The following SIGLEC8 variants were observed in gnomAD, a reference collection of about 807,000 sequenced individuals.
The protein encoded by SIGLEC8 is sialic acid-binding Ig-like lectin 8.
Under a neutral mutation model 42.1 loss-of-function variants are expected in SIGLEC8, and 32 were observed. The ratio of observed to expected loss-of-function variants is 0.76; its 90% CI spans 0.57 to 1.02. The LOEUF (loss-of-function observed/expected upper bound fraction) is 1.02. Among genes scored for constraint, SIGLEC8 ranks in the 50% least tolerant of loss-of-function variants. The pLI is 0.00. For missense variants in SIGLEC8, 611 were observed against 610.2 expected (o/e 1.00, Z -0.01); for synonymous variants, 262 against 260.3 (o/e 1.01, Z -0.06).
Position 51,457,983 on chromosome 19 carries a change from G to T in SIGLEC8, c.405C>A (p.Tyr135Ter), listed in dbSNP as rs1989538965. Residue 135 changes from tyrosine to a stop codon, truncating the protein, a stop_gained, in exon 1 of 7, where the codon TAC becomes TAA. Coordinates refer to ENST00000321424, the MANE Select transcript of SIGLEC8 (RefSeq NM_014442.3). LOFTEE classifies it high-confidence loss of function. ...TAGTTTTGTAATTCAACTGTGATTTGTAACTCCATTTCATGCTTCCTCTCT... is the reference window on the plus strand; with the variant it reads ...TAGTTTTGTAATTCAACTGTGATTTTTAACTCCATTTCATGCTTCCTCTCT... ...RLERGSMKWS[Y>*]KSQLNYKTKQ... 1 of 1,614,090 alleles carries T rather than the reference G, an allele frequency of 6.2e-7. No individual in the cohort carries two copies. The highest frequency in any genetic ancestry group is 2.2e-5 in the East Asian group (1 of 44,876).
In SIGLEC8 at chr19:51,452,566, G is replaced by A. The variant is rs75810880; in HGVS notation, c.1313C>T (p.Ser438Leu). 2.2e-4 allele frequency: 342 copies of A among 1,587,222 alleles called. No homozygotes were observed. In the African/African-American group the frequency reaches 3.4e-3, roughly 16 times the overall value. The change falls in exon 7 of 7, where the codon TCG (serine) becomes TTG (leucine). Residue 438 changes from serine (S) to leucine (L), a missense_variant. Transcript: ENST00000321424. ...LKKPPPAVAP[S>L]SGEEGELHYA... is the part of the protein sequence containing the mutation. ...ATGGAGCTCTCCTTCCTCCCCTGACGAGGGGGCAACAGCTGGGGGAGGCTT... is the reference window on the plus strand; with the variant it reads ...ATGGAGCTCTCCTTCCTCCCCTGACAAGGGGGCAACAGCTGGGGGAGGCTT...
In SIGLEC8 at chr19:51,455,625, C is replaced by G; in HGVS notation, c.844G>C (p.Val282Leu). The G allele has an allele frequency of 1.2e-6, 2 of 1,614,162 alleles. No individual in the cohort carries two copies. Among genetic ancestry groups the G allele is most frequent in the East Asian group, 2.2e-5 (1 of 44,886 alleles). The change falls in exon 4 of 7, where the codon GTC becomes CTC. Residue 282 changes from valine to leucine, a missense_variant. By Grantham distance (32) the Val-to-Leu change is conservative. Coordinates refer to ENST00000321424, the MANE Select transcript of SIGLEC8 (RefSeq NM_014442.3). ...GGGGGATTGCTGTTGACAGCACAGA[C>G]CAGGCGCAGAGACTGGCCCTCAAGG... ...SVLEGQSLRL[V>L]CAVNSNPPAR...
chr19:51,453,825 G>T (rs2122141952), intron 6 of SIGLEC8: 1 of 985,338 alleles, frequency 1.0e-6, no homozygotes, highest in Non-Finnish European at 1.2e-6. Context: ...AAGCTCACAG[G>T]TTAGTGGCGT....
rs1015729156 is a variant in SIGLEC8 at position 51,454,418 on chromosome 19, C to T, written c.1149-103G>A. ...TCCTACTGGGGGCTTGAGGGGTGAC[C>T]GAGGCGCAACGGCGGTGGTCCAGTT... On this transcript the variant is annotated intron_variant, in intron 5 of 6. Transcript: ENST00000321424. The surrounding 1 kb of genome is among the most constrained non-coding windows in gnomAD (Gnocchi z 4.7). The T allele has an allele frequency of 5.6e-6, 9 of 1,597,344 alleles. No homozygotes were observed. Among genetic ancestry groups the T allele is most frequent in the East Asian group, 4.5e-5 (2 of 44,692 alleles).
chr19:51,454,403 G>A lies in SIGLEC8; in HGVS notation c.1149-88C>T, dbSNP rs1249897705. The A allele has an allele frequency of 6.2e-7, 1 of 1,607,270 alleles. No homozygotes were observed. Among genetic ancestry groups the A allele is most frequent in the Non-Finnish European group, 8.5e-7 (1 of 1,178,138 alleles). On this transcript the variant is annotated intron_variant, in intron 5 of 6. Coordinates refer to ENST00000321424, the MANE Select transcript of SIGLEC8 (RefSeq NM_014442.3). This position sits in a 1 kb window ranked among gnomAD's most constrained non-coding sequence, Gnocchi z 4.7. ...CCCCTGCCCTGTATTTCCTACTGGGGGCTTGAGGGGTGACCGAGGCGCAAC... is the reference window on the plus strand; with the variant it reads ...CCCCTGCCCTGTATTTCCTACTGGGAGCTTGAGGGGTGACCGAGGCGCAAC...
At position 51,455,484 on chromosome 19, in the gene SIGLEC8, G is replaced by A. The variant is rs141833256; in HGVS notation, c.985C>T (p.Arg329Ter). ...TGGGAGCCCTGAGCGTTCTGAGCTC[G>A]GCAGGTGAATTCCCCTTCATCCCTC... is the stretch of plus-strand genomic sequence containing the variant. ...HVRDEGEFTC[R>*]AQNAQGSQHI... The change falls in exon 4 of 7, where the codon CGA becomes TGA. Residue 329 changes from arginine to a stop codon, truncating the protein, a stop_gained. Transcript: ENST00000321424. LOFTEE classifies it high-confidence loss of function. 1.1e-5 allele frequency: 17 copies of A among 1,614,028 alleles called. No individual in the cohort carries two copies. Among genetic ancestry groups the A allele is most frequent in the East Asian group, 6.7e-5 (3 of 44,898 alleles).
chr19:51,457,584 C>A lies in SIGLEC8; in HGVS notation c.610G>T (p.Ala204Ser). 1 of 1,613,548 alleles carries A rather than the reference C, an allele frequency of 6.2e-7. No homozygotes were observed. Reference protein sequence around the residue: ...ASVSSPGPTTARSSVLTLTPK... With the variant: ...ASVSSPGPTTSRSSVLTLTPK... ...GTAAGGGTGAGCACTGAGGAGCGGG[C>A]AGTAGTGGGGCCCGGGGAGGACACG... Residue 204 changes from alanine to serine, a missense_variant, in exon 2 of 7, where the codon GCC (alanine) becomes TCC (serine). By Grantham distance (99) the Ala-to-Ser change is moderately conservative. Transcript: ENST00000321424.
Position 51,454,771 on chromosome 19 carries a change from C to T in SIGLEC8, c.1061G>A (p.Arg354Lys). 6.2e-7 allele frequency: 1 copy of T among 1,613,398 alleles called. No individual in the cohort carries two copies. The highest frequency in any genetic ancestry group is 2.2e-5 in the East Asian group (1 of 44,874). Residue 354 changes from arginine to lysine, a missense_variant, in exon 5 of 7, where the codon AGA (arginine) becomes AAA (lysine). Transcript: ENST00000321424. This position sits in a 1 kb window ranked among gnomAD's most constrained non-coding sequence, Gnocchi z 4.7. Reference protein sequence around the residue: ...SLQNEGTGTSRPVSQVTLAAV... With the variant: ...SLQNEGTGTSKPVSQVTLAAV... Reference sequence around the variant, plus strand: ...TGCCAGTGTCACTTGTGATACAGGTCTTGAGGTGCCTGCAGATGGATTGGA... The same window carrying T: ...TGCCAGTGTCACTTGTGATACAGGTTTTGAGGTGCCTGCAGATGGATTGGA...
Position 51,454,722 on chromosome 19 carries a change from T to A in SIGLEC8, c.1110A>T (p.Thr370=), listed in dbSNP as rs1568514550. 2 of 1,613,876 alleles carry A rather than the reference T, an allele frequency of 1.2e-6. No individual in the cohort carries two copies. Among genetic ancestry groups the A allele is most frequent in the Non-Finnish European group, 1.7e-6 (2 of 1,179,964 alleles). ...TGCAGAAGGACAGGAAGGCCAGGGC[T>A]GTGGCTCCAGCTCCCCCGACTGCTG... ...TLAAVGGAGA[T]ALAFLSFCII... The change falls in exon 5 of 7, where the codon ACA becomes ACT. Residue 370 remains threonine, a synonymous_variant. Transcript: ENST00000321424. The surrounding 1 kb of genome is among the most constrained non-coding windows in gnomAD (Gnocchi z 4.7).
At position 51,454,618 on chromosome 19, in the gene SIGLEC8, C is replaced by T; in HGVS notation, c.1148+66G>A. ...ATCCAGGTCCTTCCAGCTCTGGCTT[C>T]AGGGATTCTGTTCCCGGTCTGCCCT... is the stretch of plus-strand genomic sequence containing the variant. On this transcript the variant is annotated intron_variant, in intron 5 of 6. Transcript: ENST00000321424. The surrounding 1 kb of genome is among the most constrained non-coding windows in gnomAD (Gnocchi z 4.7). The T allele has an allele frequency of 1.4e-6, 2 of 1,380,046 alleles. No individual in the cohort carries two copies. Among genetic ancestry groups the T allele is most frequent in the South Asian group, 2.3e-5 (2 of 85,982 alleles). The allele number at this position is 1,380,046 out of a possible 1,614,324, so 85.5% of individuals were successfully genotyped here.
intron 3 of SIGLEC8, 136 bp from the exon 4 acceptor site, chr19:51,455,823 C>T: frequency 1.3e-6 from 1 of 757,162 alleles, no homozygotes; most frequent in Non-Finnish European, 2.1e-6. Context: ...TTGGAACCAG[C>T]CCAAATGTCC....
rs765817368 is a variant in SIGLEC8, at chr19:51,452,581, G to A, written c.1298C>T (p.Pro433Leu). Residue 433 changes from proline (P) to leucine (L), a missense_variant, in exon 7 of 7, where the codon CCA becomes CTA. Physicochemically the swap from Pro to Leu is moderately conservative, Grantham distance 98 (BLOSUM62 -3). Transcript: ENST00000321424. ...KDGNPLKKPP[P>L]AVAPSSGEEG... The stretch of plus-strand genomic sequence containing the variant: ...CTCCCCTGACGAGGGGGCAACAGCT[G>A]GGGGAGGCTTCTTCAGGGGGTTGCC... 1.9e-6 allele frequency: 3 copies of A among 1,576,886 alleles called. No homozygotes were observed. The highest frequency in any genetic ancestry group is 1.1e-5 in the South Asian group (1 of 87,900).
intron 3 of SIGLEC8, among the ~76,000 whole-genome samples, chr19:51,456,647 C>T (rs761711635): frequency 6.6e-6 from 1 of 152,174 alleles, no homozygotes; most frequent in Non-Finnish European, 1.5e-5. Context: ...GTCAAACCAC[C>T]TCTGAGATCC....
rs768578016 is a variant in SIGLEC8 at position 51,457,605 on chromosome 19, A to G, written c.589T>C (p.Ser197Pro). The G allele has an allele frequency of 1.2e-6, 2 of 1,612,778 alleles. No individual in the cohort carries two copies. The highest frequency in any genetic ancestry group is 1.7e-6 in the Non-Finnish European group (2 of 1,179,368). ...PMISWIGASV[S>P]SPGPTTARSS... ...CGGGCAGTAGTGGGGCCCGGGGAGG[A>G]CACGGAGGCCCCAATCCAGGAGATC... The change falls in exon 2 of 7, where the codon TCC becomes CCC. Residue 197 changes from serine to proline, a missense_variant. Transcript: ENST00000321424.
chr19:51,456,378 A>G (rs910531124), intron 3 of SIGLEC8, among the ~76,000 whole-genome samples: 1 of 152,230 alleles, frequency 6.6e-6, no homozygotes, highest in African/African-American at 2.4e-5. Context: ...AAACTTGTCC[A>G]CTTTTAATTG....
rs368784430 is a variant in SIGLEC8, at chr19:51,457,479, C to T, written c.715G>A (p.Val239Ile). The stretch of plus-strand genomic sequence containing the variant: ...CACTCACAGGACACATCGAGGCGGA[C>T]GGTACTGGTCGTGGTCACACCTGTC... The part of the protein sequence containing the change: ...PGTGVTTTST[V>I]RLDVSYPPWN... Residue 239 changes from valine (V) to isoleucine (I), a missense_variant, in exon 2 of 7, where the codon GTC (valine) becomes ATC (isoleucine). Coordinates refer to ENST00000321424, the MANE Select transcript of SIGLEC8 (RefSeq NM_014442.3). The T allele has an allele frequency of 7.7e-5, 125 of 1,613,718 alleles. No individual in the cohort carries two copies. In the East Asian group the frequency reaches 2.1e-3, roughly 27 times the overall value.
rs200667199 is a variant in SIGLEC8, at chr19:51,457,421, C to A, written c.733+40G>T. Reference sequence around the variant, plus strand: ...ATCCCCTGCCCTCAGGAACACCTCCCAACCCATGAGGGACCTGGGCATCTT... The same window carrying A: ...ATCCCCTGCCCTCAGGAACACCTCCAAACCCATGAGGGACCTGGGCATCTT... On this transcript the variant is annotated intron_variant, in intron 2 of 6. Coordinates refer to ENST00000321424, the MANE Select transcript of SIGLEC8 (RefSeq NM_014442.3). 69 of 1,610,432 alleles carry A rather than the reference C, an allele frequency of 4.3e-5. No homozygotes were observed. In the East Asian group the frequency reaches 1.5e-3, roughly 35 times the overall value.
intron 6 of SIGLEC8, chr19:51,453,570 C>T (rs1228117133): frequency 1.6e-5 from 6 of 385,366 alleles, no homozygotes; most frequent in Non-Finnish European, 1.8e-5. Flanking sequence ...TGGCGCGTGC[C>T]TGTAATCCTG....
In SIGLEC8 at chr19:51,455,473, G is replaced by C. The variant is rs771076418; in HGVS notation, c.996C>G (p.Asn332Lys). ...GGGAAATGTGCTGGGAGCCCTGAGC[G>C]TTCTGAGCTCGGCAGGTGAATTCCC... ...DEGEFTCRAQ[N>K]AQGSQHISLS... Residue 332 changes from asparagine to lysine, a missense_variant, in exon 4 of 7, where the codon AAC becomes AAG. Coordinates refer to ENST00000321424, the MANE Select transcript of SIGLEC8 (RefSeq NM_014442.3). The C allele has an allele frequency of 1.2e-6, 2 of 1,614,144 alleles. No homozygotes were observed. Among genetic ancestry groups the C allele is most frequent in the Non-Finnish European group, 1.7e-6 (2 of 1,180,008 alleles).
Sources: allele counts gnomAD v4.1 joint callset (sites outside exome capture counted in the v4.1 genomes callset), GRCh38; gene constraint gnomAD v4.1.1; non-coding constraint Gnocchi (gnomAD v3.1); transcripts MANE v1.5; gene names NCBI Gene and HGNC (gene_info 2026-07-23, HGNC 2026-07-21).